The following SDK1 variants were observed in gnomAD, a reference collection of about 807,000 sequenced individuals.
SDK1 encodes sidekick cell adhesion molecule 1, also known as protein sidekick-1.
In SDK1, 157 loss-of-function variants were observed where a neutral mutation model predicts 245.5. The observed-to-expected ratio is 0.64, with a 90% CI of 0.56 to 0.73. The LOEUF (loss-of-function observed/expected upper bound fraction) is 0.73, where lower values mean the gene tolerates loss of function less well. Ranked by LOEUF, SDK1 falls within the 30% of genes least tolerant of loss-of-function variation. The pLI, the probability that SDK1 is intolerant of heterozygous loss-of-function variation, is 0.00. For missense variants in SDK1, 3,583 were observed against 3,002.3 expected, an observed-to-expected ratio of 1.19 and a Z score of -4.52; for synonymous variants, 1,647 against 1,278.5, an observed-to-expected ratio of 1.29 and a Z score of -6.15.
intron 1 of SDK1, among the ~76,000 whole-genome samples, chr7:3,410,561 G>A (rs532533547): frequency 7.2e-4 from 109 of 150,622 alleles, no homozygotes; most frequent in African/African-American, 2.6e-3. Flanking sequence ...ACTCATAAGT[G>A]GCAGGTGAAA....
intron 1 of SDK1, among the ~76,000 whole-genome samples, chr7:3,597,279 A>G (rs919012447): frequency 5.9e-5 from 9 of 151,834 alleles, no homozygotes; most frequent in Non-Finnish European, 1.3e-4. Context: ...CTCAAAAAAA[A>G]AAAAAAAAAA....
chr7:3,653,814 C>T (rs1413178789), intron 4 of SDK1, among the ~76,000 whole-genome samples: 1 of 152,124 alleles, frequency 6.6e-6, no homozygotes, highest in African/African-American at 2.4e-5. Flanking sequence ...CAGGACCTTG[C>T]AGCTTAGAAT....
chr7:3,346,178 A>G (rs530871619), intron 1 of SDK1, among the ~76,000 whole-genome samples: 31 of 152,156 alleles, frequency 2.0e-4, no homozygotes, highest in Non-Finnish European at 3.7e-4. Flanking sequence ...ACTCCTGTGC[A>G]TGCACAAATG....
At chr7:3,852,195 T>C (rs1780434739) in intron 5 of SDK1, among the ~76,000 whole-genome samples, 1 of 151,660 alleles carries the variant, frequency 6.6e-6, no homozygotes, top group Admixed American at 6.6e-5. Context: ...TTTTTTTAAC[T>C]TGAGATTCTT....
At chr7:4,130,372 G>C in intron 27 of SDK1, 1 of 462,034 alleles carries the variant, frequency 2.2e-6, no homozygotes, top group Non-Finnish European at 3.8e-6. Flanking sequence ...CAGAGGCTGG[G>C]GCGGGGCCGA....
At chr7:3,663,460 C>G (rs1046593497) in intron 4 of SDK1, among the ~76,000 whole-genome samples, 1 of 152,112 alleles carries the variant, frequency 6.6e-6, no homozygotes. Flanking sequence ...TTCTCAGGGC[C>G]TTGCTTGTTT....
intron 1 of SDK1, among the ~76,000 whole-genome samples, chr7:3,491,191 A>T (rs1781853805): frequency 6.6e-6 from 1 of 152,238 alleles, no homozygotes; most frequent in Non-Finnish European, 1.5e-5. Flanking sequence ...TTAGGGATCT[A>T]CAGTTAGGTG....
chr7:3,575,883 T>A (rs1780270156), intron 1 of SDK1, among the ~76,000 whole-genome samples: 1 of 151,942 alleles, frequency 6.6e-6, no homozygotes, highest in Admixed American at 6.6e-5. Context: ...AGTTCCAGAG[T>A]GAGGCTCATG....
chr7:3,986,625 C>T (rs1308209894), intron 13 of SDK1, among the ~76,000 whole-genome samples: 1 of 152,156 alleles, frequency 6.6e-6, no homozygotes, highest in Non-Finnish European at 1.5e-5. Flanking sequence ...CTTTGGGAGG[C>T]CAAGGCGGGT....
intron 22 of SDK1, among the ~76,000 whole-genome samples, chr7:4,110,273 A>C (rs1783252894): frequency 6.6e-6 from 1 of 152,110 alleles, no homozygotes; most frequent in African/African-American, 2.4e-5. Flanking sequence ...GGTCCTGGCC[A>C]AGTCTTCCTC....
chr7:4,128,228 G>A (rs934679224), intron 26 of SDK1, among the ~76,000 whole-genome samples: 1 of 152,138 alleles, frequency 6.6e-6, no homozygotes, highest in Non-Finnish European at 1.5e-5. Flanking sequence ...CCTGGGTTTT[G>A]AGCGTGCCTC....
intron 13 of SDK1, among the ~76,000 whole-genome samples, chr7:3,978,543 G>A (rs958841405): frequency 3.9e-5 from 6 of 152,096 alleles, no homozygotes; most frequent in African/African-American, 1.4e-4. Context: ...TTAGTGTCAC[G>A]AAGGCTCCTC....
At chr7:3,408,503 A>C (rs573684422) in intron 1 of SDK1, among the ~76,000 whole-genome samples, 10 of 152,224 alleles carry the variant, frequency 6.6e-5, no homozygotes, top group South Asian at 2.1e-4. Context: ...TTATAAACAA[A>C]ATTTCATACA....
chr7:3,791,102 T>C (rs1345356498), intron 4 of SDK1, among the ~76,000 whole-genome samples: 1 of 151,772 alleles, frequency 6.6e-6, no homozygotes, highest in African/African-American at 2.4e-5. Context: ...TTAATACTCT[T>C]AAAGCTCTTA....
intron 5 of SDK1, among the ~76,000 whole-genome samples, chr7:3,859,343 G>A (rs951765090): frequency 6.6e-6 from 1 of 152,152 alleles, no homozygotes; most frequent in African/African-American, 2.4e-5. Context: ...TTGCATGATG[G>A]CATCAGGGTA....
chr7:3,786,834 G>A (rs910853293), intron 4 of SDK1, among the ~76,000 whole-genome samples: 3 of 151,988 alleles, frequency 2.0e-5, no homozygotes, highest in African/African-American at 7.3e-5. Flanking sequence ...CTACTGTACA[G>A]CTGGCACCCT....
intron 40 of SDK1, among the ~76,000 whole-genome samples, chr7:4,227,644 C>T (rs993308005): frequency 2.0e-5 from 3 of 152,210 alleles, no homozygotes; most frequent in Non-Finnish European, 2.9e-5. Context: ...CAGTGAATGA[C>T]GGTTTCATTC....
chr7:3,498,926 G>A (rs373131640), intron 1 of SDK1, among the ~76,000 whole-genome samples: 1 of 152,154 alleles, frequency 6.6e-6, no homozygotes, highest in East Asian at 1.9e-4. Context: ...GGGCAAGTAA[G>A]CATCAATTTG....
intron 4 of SDK1, among the ~76,000 whole-genome samples, chr7:3,781,982 A>G (rs1202636542): frequency 6.6e-6 from 1 of 152,252 alleles, no homozygotes; most frequent in African/African-American, 2.4e-5. Context: ...AGAAAAAAGC[A>G]CCAGAAACTA....
Sources: allele counts gnomAD v4.1 joint callset (sites outside exome capture counted in the v4.1 genomes callset), GRCh38; gene constraint gnomAD v4.1.1; transcripts MANE v1.5; gene names NCBI Gene and HGNC (gene_info 2026-07-23, HGNC 2026-07-21).